GFM1: variants seen among roughly 807,000 people sequenced by gnomAD.
The protein encoded by GFM1 is G elongation factor mitochondrial 1.
In GFM1, 62 loss-of-function variants were observed where a neutral mutation model predicts 96.2. The observed-to-expected ratio is 0.64, with a 90% CI of 0.53 to 0.80. GFM1 has a LOEUF of 0.80. Among genes scored for constraint, GFM1 ranks in the 30% least tolerant of loss-of-function variants. The pLI, the probability that GFM1 is intolerant of heterozygous loss-of-function variation, is 0.00. For synonymous variants in GFM1, 282 were observed against 312.9 expected (o/e 0.90, Z 1.04); for missense variants, 852 against 916.6 (o/e 0.93, Z 0.91).
intron 15 of GFM1, among the ~76,000 whole-genome samples, chr3:158,688,950 A>T (rs1726087290): frequency 6.6e-6 from 1 of 152,184 alleles, no homozygotes; most frequent in Admixed American, 6.5e-5. Flanking sequence ...ATATAAGAAA[A>T]ATTGTTAGTT....
chr3:158,656,222 C>T lies in GFM1; in HGVS notation c.1083+1591C>T, dbSNP rs372223436. On this transcript the variant is annotated intron_variant, in intron 8 of 17. Coordinates refer to ENST00000486715, the MANE Select transcript of GFM1 (RefSeq NM_024996.7). ...AGGCTGGAGTGCAATGGCACAATCTCGGCTCGCTGCAGCCTCCACCTCCCA... is the reference window on the plus strand; with the variant it reads ...AGGCTGGAGTGCAATGGCACAATCTTGGCTCGCTGCAGCCTCCACCTCCCA... 4.3e-5 allele frequency: 9 copies of T among 210,944 alleles called. No individual in the cohort carries two copies. In the East Asian group the frequency reaches 5.8e-4, roughly 14 times the overall value. 13.1% of individuals were successfully genotyped at this position (210,944 alleles called of 1,614,324 possible).
At position 158,669,078 on chromosome 3, in the gene GFM1, A is replaced by C. The variant is rs746055191; in HGVS notation, c.1601+2692A>C. On this transcript the variant is annotated intron_variant, in intron 13 of 17. Transcript: ENST00000486715. ...TTGCCATATTATATAACCACAGGCAACCCAGGCTAAATGTAGAACGAGCGT... is the reference window on the plus strand; with the variant it reads ...TTGCCATATTATATAACCACAGGCACCCCAGGCTAAATGTAGAACGAGCGT... The C allele has an allele frequency of 1.9e-6, 3 of 1,613,682 alleles. No individual in the cohort carries two copies. In the Admixed American group the frequency reaches 5.0e-5, roughly 27 times the overall value.
At chr3:158,655,728 C>T (rs578084461) in intron 8 of GFM1, 99 of 365,350 alleles carry the variant, frequency 2.7e-4, no homozygotes, top group Non-Finnish European at 3.5e-4. Context: ...ATTGTTAATA[C>T]ACACTGTCAC....
In GFM1 at chr3:158,692,953, A is replaced by G. The variant is rs1046781981; in HGVS notation, c.*1486A>G. On this transcript the variant is annotated 3_prime_UTR_variant, in exon 18 of 18. Coordinates refer to ENST00000486715, the MANE Select transcript of GFM1 (RefSeq NM_024996.7). The stretch of plus-strand genomic sequence containing the variant: ...AGCTCTCTGCCTGCCCCAGCCTCCC[A>G]AAGTGCTGGGATTATGGGCATGAAC... Among the ~76,000 whole-genome samples the G allele has an allele frequency of 2.0e-5, 3 of 152,228 alleles. No individual in the cohort carries two copies. The highest frequency in any genetic ancestry group is 4.2e-4 in the South Asian group (2 of 4,818).
In GFM1 at chr3:158,671,811, G is replaced by A. The variant is rs187009465; in HGVS notation, c.1601+5425G>A. Among the ~76,000 whole-genome samples, 263 of 152,288 alleles carry A rather than the reference G, an allele frequency of 1.7e-3. 2 individuals carry two copies. Among genetic ancestry groups the A allele is most frequent in the Non-Finnish European group, 1.0e-3 (68 of 68,026 alleles). On this transcript the variant is annotated intron_variant, in intron 13 of 17. Transcript: ENST00000486715. ...TCATTTAAGGCAGTCATGTGGTAGCGGTGTTTGGGTGGCTAAAGGCCAGCG... is the reference window on the plus strand; with the variant it reads ...TCATTTAAGGCAGTCATGTGGTAGCAGTGTTTGGGTGGCTAAAGGCCAGCG...
intron 16 of GFM1, 138 bp from the exon 17 acceptor site, chr3:158,691,001 T>A: frequency 2.9e-6 from 2 of 685,600 alleles, no homozygotes; most frequent in Non-Finnish European, 5.2e-6. Flanking sequence ...TGTTTCTCTT[T>A]GGCTTTTAAT....
chr3:158,653,899 C>T (rs141569203), intron 7 of GFM1, among the ~76,000 whole-genome samples: 16 of 152,120 alleles, frequency 1.1e-4, no homozygotes, highest in Admixed American at 3.3e-4. Flanking sequence ...GGAGAAACCC[C>T]GTCTCTACTA....
At chr3:158,686,206 A>G (rs995087104) in intron 15 of GFM1, among the ~76,000 whole-genome samples, 4 of 148,200 alleles carry the variant, frequency 2.7e-5, no homozygotes, top group Non-Finnish European at 4.5e-5. Flanking sequence ...TGTATAAAAT[A>G]CATATATAAA....
intron 15 of GFM1, among the ~76,000 whole-genome samples, chr3:158,686,444 A>T (rs1725857912): frequency 1.3e-5 from 2 of 149,508 alleles, no homozygotes; most frequent in Middle Eastern, 3.6e-3. Context: ...TAGGACTTGG[A>T]TGCAATGCAC....
intron 11 of GFM1, among the ~76,000 whole-genome samples, chr3:158,664,607 C>T (rs189007064): frequency 6.6e-6 from 1 of 152,302 alleles, no homozygotes; most frequent in Admixed American, 6.5e-5. Context: ...CATGGAATCC[C>T]TCTGACCCCC....
chr3:158,686,465 T>C (rs890240881), intron 15 of GFM1, among the ~76,000 whole-genome samples: 126 of 149,476 alleles, frequency 8.4e-4, no homozygotes, highest in Non-Finnish European at 1.5e-3. Context: ...CATCCAAAAA[T>C]GGCAGGGTGA....
intron 14 of GFM1, 24 bp from the exon 15 acceptor site, chr3:158,684,500 G>A (rs1334012415): frequency 4.3e-6 from 7 of 1,613,678 alleles, no homozygotes; most frequent in Non-Finnish European, 5.9e-6. Flanking sequence ...ACTCACTCCA[G>A]AAGTTGTGTT....
chr3:158,673,198 T>C (rs1724530785), intron 13 of GFM1, among the ~76,000 whole-genome samples: 1 of 152,188 alleles, frequency 6.6e-6, no homozygotes, highest in Non-Finnish European at 1.5e-5. Flanking sequence ...AATAAAAAAA[T>C]GCACCTGTAC....
At chr3:158,648,351 G>A (rs1722001990) in intron 4 of GFM1, among the ~76,000 whole-genome samples, 1 of 152,116 alleles carries the variant, frequency 6.6e-6, no homozygotes, top group Admixed American at 6.5e-5. Flanking sequence ...CTTTTCCAGT[G>A]AGGATTCTTG....
At chr3:158,670,913 A>G (rs552135174) in intron 13 of GFM1, 1 of 1,463,004 alleles carries the variant, frequency 6.8e-7, no homozygotes, top group Non-Finnish European at 9.1e-7. Flanking sequence ...AGCCTGGGTG[A>G]TAGAGTGAGA....
chr3:158,691,560 CAAG>C lies in GFM1; in HGVS notation c.*96_*98del. 1 of 1,442,466 alleles carries C rather than the reference CAAG, an allele frequency of 6.9e-7. No homozygotes were observed. 89.4% of individuals were successfully genotyped at this position (1,442,466 alleles called of 1,614,324 possible). On this transcript the variant is annotated 3_prime_UTR_variant, in exon 18 of 18. Transcript: ENST00000486715. ...GTGGAATAAATTCAGGCTGCTGAAA[CAAG>C]AAATTCTGAGCCCAGGAAGCGGGCT...
chr3:158,656,660 G>C (rs1418194322), intron 8 of GFM1: 1 of 152,188 alleles, frequency 6.6e-6, no homozygotes, highest in Admixed American at 6.5e-5. Context: ...AAGTTATTTG[G>C]AATTCTTCTG....
intron 13 of GFM1, chr3:158,667,066 A>G (rs772232662): frequency 1.5e-5 from 23 of 1,585,878 alleles, no homozygotes; most frequent in African/African-American, 2.7e-5. Context: ...TAAAGTCATC[A>G]TTTCTTTGCT....
At chr3:158,669,785 T>C (rs187189692) in intron 13 of GFM1, among the ~76,000 whole-genome samples, 2 of 152,330 alleles carry the variant, frequency 1.3e-5, no homozygotes, top group African/African-American at 4.8e-5. Context: ...TCTAGACTTA[T>C]CATGTGAATA....
Sources: allele counts gnomAD v4.1 joint callset (sites outside exome capture counted in the v4.1 genomes callset), GRCh38; gene constraint gnomAD v4.1.1; transcripts MANE v1.5; gene names NCBI Gene and HGNC (gene_info 2026-07-23, HGNC 2026-07-21).